Variants in ERICH3 observed in about 807,000 individuals in gnomAD.
ERICH3 encodes the protein glutamate rich 3, also known as glutamate-rich protein 3.
A neutral mutation model predicts 131.1 loss-of-function variants in ERICH3; 126 were observed. The observed-to-expected ratio is 0.96, with a 90% CI of 0.83 to 1.11. The LOEUF is 1.11. ERICH3 is among the 50% of genes most tolerant of loss of function. The pLI, the probability that ERICH3 is intolerant of heterozygous loss-of-function variation, is 0.00. For missense variants in ERICH3, 2,050 were observed against 1,810.7 expected, an observed-to-expected ratio of 1.13 and a Z score of -2.40; for synonymous variants, 695 against 644.6, an observed-to-expected ratio of 1.08 and a Z score of -1.18.
chr1:74,646,995 A>G (rs1646491747), intron 2 of ERICH3, among the ~76,000 whole-genome samples: 1 of 151,318 alleles, frequency 6.6e-6, no homozygotes, highest in Non-Finnish European at 1.5e-5. Flanking sequence ...AGAGGGGAGA[A>G]AGAGGGAGAG....
chr1:74,649,794 G>T (rs1300796827), intron 1 of ERICH3, among the ~76,000 whole-genome samples: 1 of 152,070 alleles, frequency 6.6e-6, no homozygotes, highest in Non-Finnish European at 1.5e-5. Context: ...CAACTGTGAA[G>T]GCCCTTCCTT....
chr1:74,617,386 A>G (rs922648430), intron 8 of ERICH3, among the ~76,000 whole-genome samples: 5 of 152,218 alleles, frequency 3.3e-5, no homozygotes, highest in African/African-American at 1.2e-4. Flanking sequence ...CAAGAGCAAC[A>G]TGTATCTACC....
rs759546243 is a variant in ERICH3 at position 74,571,663 on chromosome 1, C to T, written c.4047G>A (p.Thr1349=). The T allele has an allele frequency of 1.7e-5, 27 of 1,614,032 alleles. No homozygotes were observed. Among genetic ancestry groups the T allele is most frequent in the South Asian group, 2.2e-5 (2 of 91,084 alleles). Residue 1349 remains threonine (T), a synonymous_variant, in exon 14 of 15, where the codon ACG becomes ACA. Coordinates refer to ENST00000326665, the MANE Select transcript of ERICH3 (RefSeq NM_001002912.5). ...CCCTCTCCTCTGCGGCTGTTTCTGC[C>T]GTTTCACCACCTCCGTGTAGAACTT... ...AVEVLHGGGE[T]AETAAEEREV...
In ERICH3 at chr1:74,568,708, A is replaced by T. The variant is rs1646900798; in HGVS notation, c.*1750T>A. ...TGCCATTTACTAGAGAAAGAAAGAC[A>T]GATAAATCAGAAGACAGGAAAAGAC... On this transcript the variant is annotated 3_prime_UTR_variant, in exon 15 of 15. Transcript: ENST00000326665. 1 of 152,212 alleles carries T rather than the reference A, an allele frequency of 6.6e-6. No individual in the cohort carries two copies. The highest frequency in any genetic ancestry group is 1.5e-5 in the Non-Finnish European group (1 of 68,030). The allele number at this position is 152,212 out of a possible 1,614,324, so 9.4% of individuals were successfully genotyped here. A position where few individuals can be genotyped will look rare whatever the true frequency, so the allele number is the denominator to read the frequency against.
intron 12 of ERICH3, chr1:74,577,177 G>A: frequency 2.6e-6 from 1 of 391,152 alleles, no homozygotes; most frequent in Non-Finnish European, 4.5e-6. Context: ...ATTTATACCT[G>A]ATGTTAGCTG....
chr1:74,662,159 G>T (rs1212035144), intron 1 of ERICH3, among the ~76,000 whole-genome samples: 1 of 152,044 alleles, frequency 6.6e-6, no homozygotes, highest in Non-Finnish European at 1.5e-5. Flanking sequence ...CTTGCATGTG[G>T]CCCTGAAACA....
intron 12 of ERICH3, among the ~76,000 whole-genome samples, chr1:74,585,109 T>C (rs1647269672): frequency 6.6e-6 from 1 of 152,240 alleles, no homozygotes; most frequent in Admixed American, 6.5e-5. Context: ...CTTTATTTCA[T>C]TTATATTTAT....
chr1:74,571,408 T>C lies in ERICH3; in HGVS notation c.4302A>G (p.Pro1434=), dbSNP rs757953631. Residue 1434 remains proline, a synonymous_variant, in exon 14 of 15, where the codon CCA becomes CCG. Transcript: ENST00000326665. ...TYTTEAGVGT[P]GALERKTSGL... The stretch of plus-strand genomic sequence containing the variant: ...CTGAGGTCTTCCGCTCCAGGGCTCC[T>C]GGAGTGCCCACCCCAGCCTCTGTTG... 18 of 1,613,934 alleles carry C rather than the reference T, an allele frequency of 1.1e-5. No individual in the cohort carries two copies.
At chr1:74,647,207 G>T (rs1646493519) in intron 2 of ERICH3, among the ~76,000 whole-genome samples, 1 of 152,004 alleles carries the variant, frequency 6.6e-6, no homozygotes, top group African/African-American at 2.4e-5. Context: ...GAACCCAGGT[G>T]TTCTTTTCAT....
intron 7 of ERICH3, chr1:74,623,933 C>T (rs1349861873): frequency 1.3e-5 from 2 of 152,174 alleles, no homozygotes; most frequent in African/African-American, 4.8e-5. Flanking sequence ...ATCTCCAGGC[C>T]TCTACAACTG....
In ERICH3 at chr1:74,572,704, C is replaced by G. The variant is rs1248122013; in HGVS notation, c.3006G>C (p.Glu1002Asp). The change falls in exon 14 of 15, where the codon GAG becomes GAC. Residue 1002 changes from glutamate (E) to aspartate (D), a missense_variant. Glu to Asp is a conservative substitution (Grantham distance 45). Coordinates refer to ENST00000326665, the MANE Select transcript of ERICH3 (RefSeq NM_001002912.5). ...TRLSPFTGEA[E>D]ASRMQVSEGS... The stretch of plus-strand genomic sequence containing the variant: ...CCTCCGAAACCTGCATCCGGCTTGC[C>G]TCTGCCTCTCCTGTGAAGGGGCTCA... 3 of 1,613,824 alleles carry G rather than the reference C, an allele frequency of 1.9e-6. No individual in the cohort carries two copies. In the East Asian group the frequency reaches 6.7e-5, roughly 36 times the overall value.
chr1:74,576,948 A>C lies in ERICH3; in HGVS notation c.2177-12T>G. On this transcript the variant is annotated splice_polypyrimidine_tract_variant and intron_variant, in intron 12 of 14. Coordinates refer to ENST00000326665, the MANE Select transcript of ERICH3 (RefSeq NM_001002912.5). ...CAATGAATCCTTTCCTAGTTAAAAAAAAAAAAAAGAAAAAAAAGGTCAAAT... is the reference window on the plus strand; with the variant it reads ...CAATGAATCCTTTCCTAGTTAAAAACAAAAAAAAGAAAAAAAAGGTCAAAT... 1 of 1,589,422 alleles carries C rather than the reference A, an allele frequency of 6.3e-7. No individual in the cohort carries two copies. Among genetic ancestry groups the C allele is most frequent in the Non-Finnish European group, 8.5e-7 (1 of 1,169,654 alleles).
chr1:74,647,091 A>G (rs775725687), intron 2 of ERICH3, among the ~76,000 whole-genome samples: 9 of 152,134 alleles, frequency 5.9e-5, no homozygotes, highest in Non-Finnish European at 1.2e-4. Flanking sequence ...ATGAGGCAAA[A>G]AGGAGAAAGG....
At chr1:74,583,906 A>ATTTTTC (rs1329102185) in intron 12 of ERICH3, among the ~76,000 whole-genome samples, 44 of 152,270 alleles carry the variant, frequency 2.9e-4, no homozygotes, top group Admixed American at 1.7e-3. Flanking sequence ...CCATCTTAAA[A>ATTTTTC]CATGTTAAGA....
chr1:74,670,217 T>C (rs189187344), intron 1 of ERICH3, among the ~76,000 whole-genome samples: 10 of 152,274 alleles, frequency 6.6e-5, no homozygotes, highest in Admixed American at 5.9e-4. Flanking sequence ...CCTCTAATCA[T>C]CTATCAAAAT....
At chr1:74,609,698 C>A (rs559130993) in intron 9 of ERICH3, among the ~76,000 whole-genome samples, 1 of 152,068 alleles carries the variant, frequency 6.6e-6, no homozygotes, top group Admixed American at 6.5e-5. Flanking sequence ...CTATTCTGGG[C>A]ATTCACAGAT....
At position 74,641,344 on chromosome 1, in the gene ERICH3, C is replaced by T. The variant is rs1402052532; in HGVS notation, c.431G>A (p.Ser144Asn). 1 of 1,612,450 alleles carries T rather than the reference C, an allele frequency of 6.2e-7. No homozygotes were observed. The highest frequency in any genetic ancestry group is 1.1e-5 in the South Asian group (1 of 90,982). The part of the protein sequence containing the change: ...HSVLVDEGHS[S>N]PLALTAPRPY... ...AATATTACTCACCAGTGCTAACGGACTGGAATGTCCTTCATCAACCAGAAC... is the reference window on the plus strand; with the variant it reads ...AATATTACTCACCAGTGCTAACGGATTGGAATGTCCTTCATCAACCAGAAC... The change falls in exon 5 of 15, where the codon AGT becomes AAT. Residue 144 changes from serine (S) to asparagine (N), a missense_variant. Transcript: ENST00000326665.
At position 74,588,194 on chromosome 1, in the gene ERICH3, T is replaced by A. The variant is rs139386788; in HGVS notation, c.2176+1437A>T. Reference sequence around the variant, plus strand: ...CTCCTGTATCCCACCTTCAAAATTGTATTTAACCTTTAAAGTTTCTCAAAT... The same window carrying A: ...CTCCTGTATCCCACCTTCAAAATTGAATTTAACCTTTAAAGTTTCTCAAAT... On this transcript the variant is annotated intron_variant, in intron 12 of 14. Transcript: ENST00000326665. Among the ~76,000 whole-genome samples, 887 of 152,320 alleles carry A rather than the reference T, an allele frequency of 5.8e-3. 9 individuals carry two copies. The highest frequency in any genetic ancestry group is 9.6e-3 in the Non-Finnish European group (652 of 68,024).
chr1:74,569,897 T>G lies in ERICH3; in HGVS notation c.*561A>C, dbSNP rs1646915843. ...ATAAGTGAATATACATGCCAAGAAA[T>G]CTTTTGCTGGAAGAACTTAGAGATT... On this transcript the variant is annotated 3_prime_UTR_variant, in exon 15 of 15. Transcript: ENST00000326665. The G allele has an allele frequency of 6.6e-6, 1 of 152,198 alleles. No individual in the cohort carries two copies. Among genetic ancestry groups the G allele is most frequent in the Non-Finnish European group, 1.5e-5 (1 of 68,024 alleles). The allele number at this position is 152,198 out of a possible 1,614,324, so 9.4% of individuals were successfully genotyped here.
Sources: gnomAD v4.1 joint callset for allele counts (sites outside exome capture counted in the v4.1 genomes callset) on GRCh38, gnomAD v4.1.1 for gene constraint, MANE v1.5 for transcripts, NCBI Gene and HGNC (gene_info 2026-07-23, HGNC 2026-07-21) for gene names.